MCOLN2: variants seen among roughly 807,000 people sequenced by gnomAD.
MCOLN2 encodes mucolipin TRP cation channel 2.
In MCOLN2, 57 loss-of-function variants were observed where a neutral mutation model predicts 67.5. That is an observed-to-expected ratio of 0.84 (90% CI 0.68 to 1.05). The LOEUF is 1.05. Ranked by LOEUF, MCOLN2 falls within the 50% of genes least tolerant of loss-of-function variation. The pLI is 0.00. For synonymous variants in MCOLN2, 246 were observed against 233.3 expected (o/e 1.05, Z -0.50); for missense variants, 620 against 678.8 (o/e 0.91, Z 0.96).
At chr1:84,936,583 A>G (rs1662703571) in intron 11 of MCOLN2, among the ~76,000 whole-genome samples, 1 of 152,210 alleles carries the variant, frequency 6.6e-6, no homozygotes, top group African/African-American at 2.4e-5. Flanking sequence ...GAGCAATATT[A>G]TCAAGATTTA....
At chr1:84,937,920 T>C (rs1340107612) in intron 10 of MCOLN2, 43 bp from the exon 11 acceptor site, 1 of 1,613,840 alleles carries the variant, frequency 6.2e-7, no homozygotes, top group South Asian at 1.1e-5. Context: ...AAGTAGCTAT[T>C]AGAACCCAAA....
chr1:84,926,646 G>A lies in MCOLN2; in HGVS notation c.*39C>T. 1 of 1,514,928 alleles carries A rather than the reference G, an allele frequency of 6.6e-7. No individual in the cohort carries two copies. The highest frequency in any genetic ancestry group is 1.4e-5 in the African/African-American group (1 of 72,626). 93.8% of individuals were successfully genotyped at this position (1,514,928 alleles called of 1,614,324 possible). On this transcript the variant is annotated 3_prime_UTR_variant, in exon 14 of 14. Transcript: ENST00000370608. ...TTGGGGTTCCTCTGCTCAGCCGCTG[G>A]ATAAGGATGCCTGAACTTTAATCAT...
intron 1 of MCOLN2, among the ~76,000 whole-genome samples, chr1:84,993,129 G>A (rs1254050199): frequency 6.6e-6 from 1 of 152,162 alleles, no homozygotes; most frequent in African/African-American, 2.4e-5. Flanking sequence ...TTTCAACAAT[G>A]TTCATAGCAT....
chr1:84,978,614 T>C (rs544404963), intron 1 of MCOLN2, among the ~76,000 whole-genome samples: 1 of 152,020 alleles, frequency 6.6e-6, no homozygotes, highest in Non-Finnish European at 1.5e-5. Flanking sequence ...ATAGAAGAAA[T>C]GGACACACAC....
intron 1 of MCOLN2, among the ~76,000 whole-genome samples, chr1:84,974,916 CTGG>C (rs1649920399): frequency 6.6e-6 from 1 of 152,134 alleles, no homozygotes; most frequent in Admixed American, 6.5e-5. Flanking sequence ...CCATGGGCTT[CTGG>C]TGGTGATGAC....
At chr1:84,966,410 A>AGT (rs1405198330) in intron 1 of MCOLN2, among the ~76,000 whole-genome samples, 1 of 152,104 alleles carries the variant, frequency 6.6e-6, no homozygotes, top group African/African-American at 2.4e-5. Flanking sequence ...TGTTTGTGTG[A>AGT]GTGTGTGTGT....
intron 11 of MCOLN2, among the ~76,000 whole-genome samples, chr1:84,931,834 TG>T (rs1647204212): frequency 6.6e-6 from 1 of 151,760 alleles, no homozygotes; most frequent in Non-Finnish European, 1.5e-5. Context: ...GAGACCAGCC[TG>T]GGAAAGATTA....
In MCOLN2 at chr1:84,934,352, G is replaced by A. The variant is rs557246956; in HGVS notation, c.1336-2784C>T. On this transcript the variant is annotated intron_variant, in intron 11 of 13. Coordinates refer to ENST00000370608, the MANE Select transcript of MCOLN2 (RefSeq NM_153259.4). ...GTCCCCATAGGTTCTCTGGGCCCAC[G>A]ATGAGAACTCAACCATTCATTTCAC... Among the ~76,000 whole-genome samples, 25 of 152,214 alleles carry A rather than the reference G, an allele frequency of 1.6e-4. No individual in the cohort carries two copies. The East Asian group carries it at 4.4e-3, about 27-fold the overall frequency.
At chr1:84,992,196 C>A (rs1650916833) in intron 1 of MCOLN2, among the ~76,000 whole-genome samples, 1 of 152,188 alleles carries the variant, frequency 6.6e-6, no homozygotes, top group African/African-American at 2.4e-5. Flanking sequence ...TCTAGAATTA[C>A]ACCAAAGACT....
At chr1:84,987,560 G>GTATCTATAGATA (rs1557665905) in intron 1 of MCOLN2, among the ~76,000 whole-genome samples, 4 of 87,644 alleles carry the variant, frequency 4.6e-5, no homozygotes, top group African/African-American at 1.8e-4. Flanking sequence ...ATACATCTAT[G>GTATCTATAGATA]TATACATAGA....
chr1:84,986,975 TA>T (rs1650538462), intron 1 of MCOLN2, among the ~76,000 whole-genome samples: 1 of 152,038 alleles, frequency 6.6e-6, no homozygotes, highest in African/African-American at 2.4e-5. Flanking sequence ...GGAGATTCCT[TA>T]AAGGACTAAA....
At position 84,927,498 on chromosome 1, in the gene MCOLN2, G is replaced by A. The variant is rs111544377; in HGVS notation, c.1665-777C>T. Among the ~76,000 whole-genome samples, 852 of 152,334 alleles carry A rather than the reference G, an allele frequency of 5.6e-3. 7 individuals are homozygous for A. Among genetic ancestry groups the A allele is most frequent in the African/African-American group, 0.02 (823 of 41,560 alleles). The stretch of plus-strand genomic sequence containing the variant: ...TAGGAGAGGTCACAGGACACACTTG[G>A]TTAATGGCAGTGTCCAAAATGAAAA... On this transcript the variant is annotated intron_variant, in intron 13 of 13. Coordinates refer to ENST00000370608, the MANE Select transcript of MCOLN2 (RefSeq NM_153259.4).
At chr1:84,975,831 G>T (rs1436497040) in intron 1 of MCOLN2, among the ~76,000 whole-genome samples, 1 of 152,030 alleles carries the variant, frequency 6.6e-6, no homozygotes, top group Non-Finnish European at 1.5e-5. Flanking sequence ...AACAGAGATT[G>T]ACATAATTAA....
chr1:84,930,025 G>A (rs1661334457), intron 12 of MCOLN2, among the ~76,000 whole-genome samples: 1 of 152,122 alleles, frequency 6.6e-6, no homozygotes, highest in Non-Finnish European at 1.5e-5. Context: ...CACTTTGGGA[G>A]GCCAAGAAGG....
At chr1:84,954,307 T>C (rs565129793) in intron 4 of MCOLN2, among the ~76,000 whole-genome samples, 64 of 152,324 alleles carry the variant, frequency 4.2e-4, no homozygotes, top group African/African-American at 1.5e-3. Flanking sequence ...AGATGGAGTA[T>C]TACACAACTC....
chr1:84,984,629 T>C (rs1178700446), intron 1 of MCOLN2, among the ~76,000 whole-genome samples: 1 of 152,230 alleles, frequency 6.6e-6, no homozygotes, highest in Non-Finnish European at 1.5e-5. Flanking sequence ...ACACTACTAG[T>C]TGCCTGCGCA....
chr1:84,972,036 T>C (rs1649716620), intron 1 of MCOLN2: 1 of 152,148 alleles, frequency 6.6e-6, no homozygotes, highest in Non-Finnish European at 1.5e-5. Flanking sequence ...GACTCCAACC[T>C]GGGGGACAAA....
At chr1:84,992,996 C>A (rs1024967088) in intron 1 of MCOLN2, among the ~76,000 whole-genome samples, 15 of 152,236 alleles carry the variant, frequency 9.9e-5, no homozygotes, top group Non-Finnish European at 1.2e-4. Flanking sequence ...CTGTTGCATG[C>A]AACGCTGTTT....
chr1:84,930,270 A>T (rs568769967), intron 12 of MCOLN2, among the ~76,000 whole-genome samples: 1,482 of 128,958 alleles, frequency 0.011, 15 homozygotes, highest in African/African-American at 0.032. Context: ...CTCTTTTTTT[A>T]AAAAAAAAAA....
Sources: allele counts gnomAD v4.1 joint callset (sites outside exome capture counted in the v4.1 genomes callset), GRCh38; gene constraint gnomAD v4.1.1; transcripts MANE v1.5; gene names NCBI Gene and HGNC (gene_info 2026-07-23, HGNC 2026-07-21).